Variants in SNX29 observed in about 807,000 individuals in gnomAD.
SNX29 encodes sorting nexin 29.
A neutral mutation model predicts 102.1 loss-of-function variants in SNX29; 78 were observed. That is an observed-to-expected ratio of 0.76 (90% CI 0.64 to 0.92). SNX29 has a LOEUF of 0.92. Among genes scored for constraint, SNX29 ranks in the 40% least tolerant of loss-of-function variants. SNX29 has a pLI of 0.00. For synonymous variants in SNX29, 580 were observed against 414.5 expected, an observed-to-expected ratio of 1.40 and a Z score of -4.85; for missense variants, 1,280 against 1,061.7, an observed-to-expected ratio of 1.21 and a Z score of -2.86.
chr16:12,481,512 A>T (rs1163132767), intron 19 of SNX29, among the ~76,000 whole-genome samples: 1 of 106,438 alleles, frequency 9.4e-6, no homozygotes, highest in African/African-American at 4.2e-5. Flanking sequence ...ATATACATAT[A>T]GACACACACA....
intron 11 of SNX29, 111 bp from the exon 12 acceptor site, chr16:12,126,522 G>C: frequency 8.9e-7 from 1 of 1,120,990 alleles, no homozygotes; most frequent in South Asian, 1.4e-5. Context: ...AAAGGGAAAA[G>C]GGAACTTATC....
intron 20 of SNX29, among the ~76,000 whole-genome samples, chr16:12,538,488 C>G (rs971028658): frequency 2.0e-5 from 3 of 152,286 alleles, no homozygotes; most frequent in African/African-American, 7.2e-5. Flanking sequence ...GTGTAACATA[C>G]ATCTATGATA....
At chr16:12,320,725 A>G (rs2080904485) in intron 15 of SNX29, among the ~76,000 whole-genome samples, 2 of 152,182 alleles carry the variant, frequency 1.3e-5, no homozygotes, top group Admixed American at 1.3e-4. Flanking sequence ...AATGAGGCCG[A>G]TAAGAGAACA....
At chr16:12,274,514 C>G (rs2079186007) in intron 14 of SNX29, among the ~76,000 whole-genome samples, 1 of 151,090 alleles carries the variant, frequency 6.6e-6, no homozygotes, top group South Asian at 2.1e-4. Flanking sequence ...TCCATTTGGA[C>G]TTGTAGTTCT....
Position 12,562,303 on chromosome 16 carries a change from G to C in SNX29, c.2319-6203G>C, listed in dbSNP as rs532682745. Among the ~76,000 whole-genome samples the C allele has an allele frequency of 6.6e-5, 10 of 152,276 alleles. No homozygotes were observed. In the East Asian group the frequency reaches 1.2e-3, roughly 18 times the overall value. On this transcript the variant is annotated intron_variant, in intron 20 of 20. Coordinates refer to ENST00000566228, the MANE Select transcript of SNX29 (RefSeq NM_032167.5). The stretch of plus-strand genomic sequence containing the variant: ...CTCTATCCCAGCATCAAACGTTATC[G>C]TTGGCTTTGTCCCAAGAACCTGCAG...
chr16:12,561,396 C>CCA (rs1310136279), intron 20 of SNX29, among the ~76,000 whole-genome samples: 1 of 152,136 alleles, frequency 6.6e-6, no homozygotes, highest in Non-Finnish European at 1.5e-5. Flanking sequence ...CACATCCCCG[C>CCA]CACACACACA....
Position 12,152,242 on chromosome 16 carries a change from A to G in SNX29, c.1595+22484A>G, listed in dbSNP as rs550247156. 3.9e-5 allele frequency among the ~76,000 whole-genome samples: 6 copies of G among 152,238 alleles called. No individual in the cohort carries two copies. In the East Asian group the frequency reaches 9.7e-4, roughly 25 times the overall value. On this transcript the variant is annotated intron_variant, in intron 13 of 20. Coordinates refer to ENST00000566228, the MANE Select transcript of SNX29 (RefSeq NM_032167.5). ...TCTTAAAAAAAAAATGCATGCAATA[A>G]TACACATGAAAAGATTCACATCGTA...
At chr16:12,194,899 T>A (rs2076734583) in intron 13 of SNX29, among the ~76,000 whole-genome samples, 1 of 152,304 alleles carries the variant, frequency 6.6e-6, no homozygotes, top group South Asian at 2.1e-4. Context: ...AGTGCTGGGA[T>A]TACAGGCATG....
intron 14 of SNX29, among the ~76,000 whole-genome samples, chr16:12,261,039 G>T (rs1318090654): frequency 6.7e-6 from 1 of 149,004 alleles, no homozygotes; most frequent in Non-Finnish European, 1.5e-5. Flanking sequence ...GCTGGAGTGA[G>T]TGTGTGCTGA....
In SNX29 at chr16:12,192,699, C is replaced by T. The variant is rs571175999; in HGVS notation, c.1596-6902C>T. 1.5e-4 allele frequency among the ~76,000 whole-genome samples: 22 copies of T among 151,610 alleles called. No homozygotes were observed. The South Asian group carries it at 4.2e-3, about 29-fold the overall frequency. On this transcript the variant is annotated intron_variant, in intron 13 of 20. Transcript: ENST00000566228. ...GCTAATTTTTAAATTAATTTTATTT[C>T]ATTTATTTATTTATTTATTTATTGA...
intron 14 of SNX29, among the ~76,000 whole-genome samples, chr16:12,234,416 T>C (rs958683081): frequency 6.6e-6 from 1 of 152,140 alleles, no homozygotes; most frequent in African/African-American, 2.4e-5. Flanking sequence ...TTAGTTGTCT[T>C]TTTTATTGTT....
chr16:12,035,916 A>G (rs1352092244), intron 4 of SNX29, among the ~76,000 whole-genome samples: 5 of 152,028 alleles, frequency 3.3e-5, no homozygotes, highest in African/African-American at 1.2e-4. Context: ...TTCCTGCTCA[A>G]TTGTAAATGA....
chr16:12,435,176 T>G (rs2085482214), intron 18 of SNX29, among the ~76,000 whole-genome samples: 1 of 152,190 alleles, frequency 6.6e-6, no homozygotes, highest in African/African-American at 2.4e-5. Flanking sequence ...CTCTCCGTCT[T>G]TCTTCCTCTG....
chr16:12,523,766 G>T (rs1445870148), intron 19 of SNX29, among the ~76,000 whole-genome samples: 1 of 152,198 alleles, frequency 6.6e-6, no homozygotes, highest in Non-Finnish European at 1.5e-5. Flanking sequence ...CAGAGCCCCT[G>T]ATCACTGAGT....
intron 20 of SNX29, among the ~76,000 whole-genome samples, chr16:12,539,463 A>ATATACCACGGTTTATC (rs1194604761): frequency 1.3e-5 from 2 of 152,318 alleles, no homozygotes; most frequent in East Asian, 3.9e-4. Flanking sequence ...GGTTAAATGG[A>ATATACCACGGTTTATC]TATACCACGG....
At chr16:12,302,747 A>G (rs1417216042) in intron 15 of SNX29, among the ~76,000 whole-genome samples, 1 of 152,200 alleles carries the variant, frequency 6.6e-6, no homozygotes, top group African/African-American at 2.4e-5. Flanking sequence ...CACTTTGGAA[A>G]CTTCCTGCTA....
intron 18 of SNX29, among the ~76,000 whole-genome samples, chr16:12,450,150 C>G (rs960684012): frequency 2.6e-5 from 4 of 152,182 alleles, no homozygotes; most frequent in South Asian, 2.1e-4. Flanking sequence ...TGAGGCCTCC[C>G]CAGCCATGTA....
intron 14 of SNX29, among the ~76,000 whole-genome samples, chr16:12,236,156 A>G (rs2077925939): frequency 6.6e-6 from 1 of 152,114 alleles, no homozygotes; most frequent in South Asian, 2.1e-4. Context: ...CATCAATCTG[A>G]CATAAATCTC....
At chr16:12,394,885 G>T (rs74998463) in intron 16 of SNX29, among the ~76,000 whole-genome samples, 1,993 of 152,270 alleles carry the variant, frequency 0.013, 46 homozygotes, top group African/African-American at 0.045. Context: ...GAAGAGCTTT[G>T]TGGAGTGGGC....
Sources: allele counts gnomAD v4.1 joint callset (sites outside exome capture counted in the v4.1 genomes callset), GRCh38; gene constraint gnomAD v4.1.1; transcripts MANE v1.5; gene names NCBI Gene and HGNC (gene_info 2026-07-23, HGNC 2026-07-21).